Variants in CHRM3 observed in about 807,000 individuals in gnomAD.
CHRM3 encodes muscarinic acetylcholine receptor M3.
A neutral mutation model predicts 41.8 loss-of-function variants in CHRM3; 11 were observed. That is an observed-to-expected ratio of 0.26 (90% confidence interval 0.17 to 0.44). The LOEUF is 0.44. CHRM3 is among the 20% of genes least tolerant of loss of function. The probability of loss-of-function intolerance (pLI) is 1.00; values close to 1 mark genes in which losing one functional copy is unlikely to be tolerated. For synonymous variants in CHRM3, 297 were observed against 301.4 expected (o/e 0.99, Z 0.15); for missense variants, 571 against 745.4 (o/e 0.77, Z 2.72).
chr1:239,874,294 T>G (rs1474211680), intron 6 of CHRM3, among the ~76,000 whole-genome samples: 1 of 64,738 alleles, frequency 1.5e-5, no homozygotes, highest in African/African-American at 6.7e-5. Flanking sequence ...AGTATATATA[T>G]ATATATATAT....
intron 1 of CHRM3, among the ~76,000 whole-genome samples, chr1:239,429,272 G>A (rs1662638085): frequency 6.6e-6 from 1 of 152,156 alleles, no homozygotes; most frequent in South Asian, 2.1e-4. Context: ...CCTGTCAAAT[G>A]AATATAGTGG....
chr1:239,604,701 G>C (rs1198335058), intron 3 of CHRM3, among the ~76,000 whole-genome samples: 1 of 152,182 alleles, frequency 6.6e-6, no homozygotes, highest in Non-Finnish European at 1.5e-5. Flanking sequence ...GATGATATCT[G>C]ATGCATTCCA....
chr1:239,727,257 C>T lies in CHRM3; in HGVS notation c.-147+48969C>T, dbSNP rs571449138. Among the ~76,000 whole-genome samples, 153 of 151,990 alleles carry T rather than the reference C, an allele frequency of 1.0e-3. 1 individual carries two copies. Among genetic ancestry groups the T allele is most frequent in the African/African-American group, 3.4e-3 (140 of 41,532 alleles). On this transcript the variant is annotated intron_variant, in intron 5 of 6. Coordinates refer to ENST00000676153, the MANE Select transcript of CHRM3 (RefSeq NM_001375978.1). ...ATTATTCCTGGAAGGTTTTCATTTT[C>T]TATTTGGACAGAATTGTTATTCTGA...
At position 239,542,205 on chromosome 1, in the gene CHRM3, A is replaced by G. The variant is rs185631716; in HGVS notation, c.-421-3436A>G. ...ACAGATAATAATACAATATTATTAT[A>G]TTATATACATTATGTTCAAAATGTT... On this transcript the variant is annotated intron_variant, in intron 2 of 6. Coordinates refer to ENST00000676153, the MANE Select transcript of CHRM3 (RefSeq NM_001375978.1). Among the ~76,000 whole-genome samples the G allele has an allele frequency of 1.2e-3, 182 of 152,298 alleles. 1 individual carries two copies. The highest frequency in any genetic ancestry group is 4.1e-4 in the Non-Finnish European group (28 of 68,018).
At chr1:239,642,750 CCTT>C (rs1671317245) in intron 4 of CHRM3, among the ~76,000 whole-genome samples, 4 of 152,296 alleles carry the variant, frequency 2.6e-5, no homozygotes, top group South Asian at 4.1e-4. Context: ...TCATCTGAAG[CCTT>C]CTTCTCTCAA....
chr1:239,893,224 A>C (rs1294435067), intron 6 of CHRM3, among the ~76,000 whole-genome samples: 1 of 152,246 alleles, frequency 6.6e-6, no homozygotes, highest in Non-Finnish European at 1.5e-5. Context: ...GTCATTTTGC[A>C]AAAGAACACA....
intron 1 of CHRM3, among the ~76,000 whole-genome samples, chr1:239,467,720 G>A (rs1002286275): frequency 1.3e-5 from 2 of 152,190 alleles, no homozygotes; most frequent in Non-Finnish European, 2.9e-5. Context: ...CACAGCTATA[G>A]TGCTGTCACT....
intron 3 of CHRM3, among the ~76,000 whole-genome samples, chr1:239,596,067 G>A (rs1371603284): frequency 6.6e-6 from 1 of 152,092 alleles, no homozygotes; most frequent in East Asian, 1.9e-4. Flanking sequence ...TAAAGTTTGA[G>A]CAATTTTATA....
At chr1:239,449,347 T>A (rs181819972) in intron 1 of CHRM3, among the ~76,000 whole-genome samples, 46 of 152,280 alleles carry the variant, frequency 3.0e-4, no homozygotes, top group Non-Finnish European at 5.3e-4. Flanking sequence ...TAAAGGAAAG[T>A]GGGTTTTAGC....
intron 1 of CHRM3, among the ~76,000 whole-genome samples, chr1:239,446,910 A>T (rs1050513925): frequency 6.6e-6 from 1 of 152,214 alleles, no homozygotes; most frequent in Admixed American, 6.5e-5. Flanking sequence ...TACTCACAAA[A>T]TATCATTAAA....
intron 6 of CHRM3, among the ~76,000 whole-genome samples, chr1:239,897,669 A>G (rs922733556): frequency 1.3e-5 from 2 of 152,224 alleles, no homozygotes. Context: ...TTCAGCAACA[A>G]GGAGTCTGCC....
At chr1:239,576,318 A>G (rs1662335577) in intron 3 of CHRM3, among the ~76,000 whole-genome samples, 1 of 152,038 alleles carries the variant, frequency 6.6e-6, no homozygotes, top group Admixed American at 6.6e-5. Flanking sequence ...TACACGTGAA[A>G]TTATAGTGGT....
At chr1:239,764,892 A>G (rs1254226852) in intron 5 of CHRM3, among the ~76,000 whole-genome samples, 2 of 152,352 alleles carry the variant, frequency 1.3e-5, no homozygotes, top group African/African-American at 4.8e-5. Context: ...TTGGTGAACA[A>G]GTGTGATCCT....
rs1680590199 is a variant in CHRM3 at position 239,915,374 on chromosome 1, TG to T, written c.*6151del. ...ATCGTCTGTAGTCTGTACTATAAAA[TG>T]ATGCCTGCAACTTTGTGGTGAATAT... On this transcript the variant is annotated 3_prime_UTR_variant, in exon 7 of 7. Coordinates refer to ENST00000676153, the MANE Select transcript of CHRM3 (RefSeq NM_001375978.1). 6.0e-6 allele frequency: 1 copy of T among 167,206 alleles called. No homozygotes were observed. Among genetic ancestry groups the T allele is most frequent in the African/African-American group, 2.4e-5 (1 of 41,580 alleles). The allele number at this position is 167,206 out of a possible 1,614,324, so 10.4% of individuals were successfully genotyped here. A position where few individuals can be genotyped will look rare whatever the true frequency, so the allele number is the denominator to read the frequency against.
intron 5 of CHRM3, among the ~76,000 whole-genome samples, chr1:239,713,109 A>G (rs933238529): frequency 1.1e-4 from 17 of 152,294 alleles, no homozygotes; most frequent in Non-Finnish European, 2.4e-4. Context: ...AACGTACTTC[A>G]TGGGCATTTC....
chr1:239,702,350 G>A (rs1660761884), intron 5 of CHRM3, among the ~76,000 whole-genome samples: 1 of 152,124 alleles, frequency 6.6e-6, no homozygotes, highest in African/African-American at 2.4e-5. Flanking sequence ...TTTATATCAA[G>A]GGAGGATGCT....
intron 5 of CHRM3, among the ~76,000 whole-genome samples, chr1:239,765,290 C>A (rs988973655): frequency 6.6e-6 from 1 of 152,226 alleles, no homozygotes; most frequent in African/African-American, 2.4e-5. Context: ...CTCCCTGATG[C>A]TCCATTGCCT....
chr1:239,501,581 C>T (rs534391852), intron 2 of CHRM3, among the ~76,000 whole-genome samples: 76 of 152,208 alleles, frequency 5.0e-4, no homozygotes, highest in African/African-American at 1.8e-3. Context: ...GTGGGCTGGG[C>T]GTGGTGGCTC....
chr1:239,539,479 C>T (rs1166595586), intron 2 of CHRM3, among the ~76,000 whole-genome samples: 1 of 150,476 alleles, frequency 6.6e-6, no homozygotes. Flanking sequence ...GCAGCAATTA[C>T]TTTTGTCACT....
Sources: gnomAD v4.1 joint callset for allele counts (sites outside exome capture counted in the v4.1 genomes callset) on GRCh38, gnomAD v4.1.1 for gene constraint, MANE v1.5 for transcripts, NCBI Gene and HGNC (gene_info 2026-07-23, HGNC 2026-07-21) for gene names.